Variants in GNG12 observed in about 807,000 individuals in gnomAD.
The protein encoded by GNG12 is guanine nucleotide-binding protein G(I)/G(S)/G(O) subunit gamma-12.
For missense variants in GNG12, 69 were observed against 83.8 expected (o/e 0.82, Z 0.69); for synonymous variants, 28 against 29.7 (o/e 0.94, Z 0.19).
intron 1 of GNG12, among the ~76,000 whole-genome samples, chr1:67,786,955 G>A (rs879823801): frequency 0.078 from 11,046 of 141,954 alleles, 663 homozygotes; most frequent in Non-Finnish European, 0.11. Context: ...GTGTGTGTGT[G>A]TGTGTGTGTG....
intron 2 of GNG12, among the ~76,000 whole-genome samples, chr1:67,767,608 C>G (rs775150752): frequency 7.2e-5 from 11 of 152,172 alleles, no homozygotes; most frequent in Non-Finnish European, 1.2e-4. Flanking sequence ...TACTGAAAGA[C>G]AGCAAAATAA....
At chr1:67,760,518 A>G (rs1646596429) in intron 2 of GNG12, among the ~76,000 whole-genome samples, 1 of 152,204 alleles carries the variant, frequency 6.6e-6, no homozygotes. Context: ...TAGCTTTAAG[A>G]CACACGTTGC....
At chr1:67,825,311 C>G (rs944495720) in intron 1 of GNG12, among the ~76,000 whole-genome samples, 1 of 152,176 alleles carries the variant, frequency 6.6e-6, no homozygotes, top group Non-Finnish European at 1.5e-5. Flanking sequence ...GTTTCTGCAT[C>G]TTTTAGTTTT....
intron 1 of GNG12, among the ~76,000 whole-genome samples, chr1:67,784,517 TAA>T (rs146094766): frequency 9.3e-5 from 14 of 150,946 alleles, no homozygotes; most frequent in African/African-American, 3.4e-4. Context: ...CAATTTCTAT[TAA>T]AAAAAAAGAC....
chr1:67,759,382 T>A (rs1646588945), intron 2 of GNG12, among the ~76,000 whole-genome samples: 1 of 152,216 alleles, frequency 6.6e-6, no homozygotes, highest in African/African-American at 2.4e-5. Context: ...CCTAACTGCA[T>A]CCAAAGTACT....
chr1:67,832,990 C>A (rs1476826529), intron 1 of GNG12, among the ~76,000 whole-genome samples: 1 of 152,148 alleles, frequency 6.6e-6, no homozygotes, highest in East Asian at 1.9e-4. Context: ...AAGGGGAGAC[C>A]TTTCCTTCCA....
In GNG12 at chr1:67,740,497, C is replaced by T. The variant is rs1646477020; in HGVS notation, c.-26-32785G>A. 1.3e-5 allele frequency among the ~76,000 whole-genome samples: 2 copies of T among 152,354 alleles called. 1 individual carries two copies. Among genetic ancestry groups the T allele is most frequent in the South Asian group, 4.1e-4 (2 of 4,830 alleles). ...AGCAGTTGTGATAAAGACTGTGTAG[C>T]CCACAAAGCCTAAACTATTTACTAT... On this transcript the variant is annotated intron_variant, in intron 2 of 3. Coordinates refer to ENST00000370982, the MANE Select transcript of GNG12 (RefSeq NM_018841.6).
intron 2 of GNG12, among the ~76,000 whole-genome samples, chr1:67,750,458 G>C (rs570291970): frequency 2.6e-5 from 4 of 152,138 alleles, no homozygotes; most frequent in Non-Finnish European, 5.9e-5. Flanking sequence ...CGAGGTGCAC[G>C]CTTTTTGAGG....
In GNG12 at chr1:67,703,191, C is replaced by T. The variant is rs1470914596; in HGVS notation, c.*2260G>A. Reference sequence around the variant, plus strand: ...GGTTAGGAAGTTATGTATTTATACTCATAGCCTTTATTGTATCTGACCAGG... The same window carrying T: ...GGTTAGGAAGTTATGTATTTATACTTATAGCCTTTATTGTATCTGACCAGG... On this transcript the variant is annotated 3_prime_UTR_variant, in exon 4 of 4. Transcript: ENST00000370982. 1 of 152,142 alleles carries T rather than the reference C, an allele frequency of 6.6e-6. No individual in the cohort carries two copies. Among genetic ancestry groups the T allele is most frequent in the Non-Finnish European group, 1.5e-5 (1 of 68,012 alleles). The allele number at this position is 152,142 out of a possible 1,614,324, so 9.4% of individuals were successfully genotyped here. A position where few individuals can be genotyped will look rare whatever the true frequency, so the allele number is the denominator to read the frequency against.
At chr1:67,764,289 G>T (rs1199489722) in intron 2 of GNG12, among the ~76,000 whole-genome samples, 1 of 152,074 alleles carries the variant, frequency 6.6e-6, no homozygotes, top group Non-Finnish European at 1.5e-5. Flanking sequence ...AGCTGCAGCT[G>T]GGGGACCAGG....
At chr1:67,763,090 GGAGAGAGAGAGAGA>G (rs71064962) in intron 2 of GNG12, among the ~76,000 whole-genome samples, 1 of 116,724 alleles carries the variant, frequency 8.6e-6, no homozygotes, top group East Asian at 2.4e-4. Flanking sequence ...TACCCTCCCA[GGAGAGAGAGAGAGA>G]GAGAGAGAGA....
chr1:67,709,984 A>G lies in GNG12; in HGVS notation c.-26-2272T>C, dbSNP rs866549711. Among the ~76,000 whole-genome samples the G allele has an allele frequency of 5.9e-3, 164 of 27,886 alleles. 3 individuals are homozygous for G. Among genetic ancestry groups the G allele is most frequent in the South Asian group, 0.017 (12 of 692 alleles). 18.3% of individuals were successfully genotyped at this position (27,886 alleles called of 152,430 possible). ...TAGTTATATATATAGTTATATATAT[A>G]TAGTTATATATATAGTTATATATAT... On this transcript the variant is annotated intron_variant, in intron 2 of 3. Transcript: ENST00000370982.
At position 67,702,266 on chromosome 1, in the gene GNG12, G is replaced by C. The variant is rs774007904; in HGVS notation, c.*3185C>G. ...TCTGGTATTGTATTTATTTCACTGA[G>C]AAATGACTGGCATGTACTACGATCA... is the stretch of plus-strand genomic sequence containing the variant. On this transcript the variant is annotated 3_prime_UTR_variant, in exon 4 of 4. Transcript: ENST00000370982. 1 of 152,124 alleles carries C rather than the reference G, an allele frequency of 6.6e-6. No homozygotes were observed. Among genetic ancestry groups the C allele is most frequent in the Non-Finnish European group, 1.5e-5 (1 of 68,024 alleles). 9.4% of individuals were successfully genotyped at this position (152,124 alleles called of 1,614,324 possible).
Position 67,769,782 on chromosome 1 carries a change from C to T in GNG12, c.-27+7676G>A, listed in dbSNP as rs76058269. On this transcript the variant is annotated intron_variant, in intron 2 of 3. Transcript: ENST00000370982. Reference sequence around the variant, plus strand: ...TTTTCCCAAACATTTCCCATTTTTCCAATGTCCAATTCTCCCAGACAAGGC... The same window carrying T: ...TTTTCCCAAACATTTCCCATTTTTCTAATGTCCAATTCTCCCAGACAAGGC... 3.4e-4 allele frequency among the ~76,000 whole-genome samples: 51 copies of T among 152,124 alleles called. 2 individuals carry two copies. In the East Asian group the frequency reaches 9.7e-3, roughly 29 times the overall value.
intron 2 of GNG12, among the ~76,000 whole-genome samples, chr1:67,771,545 C>T (rs569558445): frequency 2.6e-5 from 4 of 152,320 alleles, no homozygotes; most frequent in South Asian, 2.1e-4. Context: ...CCTTCCTCCT[C>T]GCGAGTCCCT....
At chr1:67,751,129 C>G (rs1040654123) in intron 2 of GNG12, among the ~76,000 whole-genome samples, 1 of 151,814 alleles carries the variant, frequency 6.6e-6, no homozygotes, top group Non-Finnish European at 1.5e-5. Context: ...ACCCACCCAC[C>G]CACGCATCCA....
chr1:67,761,726 T>C (rs930375150), intron 2 of GNG12, among the ~76,000 whole-genome samples: 1 of 152,164 alleles, frequency 6.6e-6, no homozygotes, highest in African/African-American at 2.4e-5. Flanking sequence ...CAACGAGGTA[T>C]TCCCGTTAAC....
At chr1:67,814,197 G>A (rs2100812827) in intron 1 of GNG12, among the ~76,000 whole-genome samples, 1 of 152,176 alleles carries the variant, frequency 6.6e-6, no homozygotes, top group East Asian at 1.9e-4. Context: ...AAAAAAAATT[G>A]TGCTTGCTTA....
At chr1:67,832,047 A>C (rs1042626162) in intron 1 of GNG12, among the ~76,000 whole-genome samples, 1 of 152,206 alleles carries the variant, frequency 6.6e-6, no homozygotes, top group Non-Finnish European at 1.5e-5. Flanking sequence ...ACGACATCCA[A>C]AAGATTCATT....
Sources: allele counts gnomAD v4.1 joint callset (sites outside exome capture counted in the v4.1 genomes callset), GRCh38; gene constraint gnomAD v4.1.1; transcripts MANE v1.5; gene names NCBI Gene and HGNC (gene_info 2026-07-23, HGNC 2026-07-21).